The following EYS variants were observed in gnomAD, a reference collection of about 807,000 sequenced individuals.
EYS encodes EGF-like photoreceptor maintenance factor.
In EYS, 250 loss-of-function variants were observed where a neutral mutation model predicts 282.1. The observed-to-expected ratio is 0.89, with a 90% CI of 0.80 to 0.98. The LOEUF (loss-of-function observed/expected upper bound fraction) is 0.98, where lower values mean the gene tolerates loss of function less well. Among genes scored for constraint, EYS ranks in the 50% least tolerant of loss-of-function variants. The pLI is 0.00. For synonymous variants in EYS, 1,355 were observed against 1,282.9 expected, an observed-to-expected ratio of 1.06 and a Z score of -1.20; for missense variants, 4,016 against 3,709.0, an observed-to-expected ratio of 1.08 and a Z score of -2.15.
At chr6:64,445,351 T>A (rs1336472760) in intron 26 of EYS, among the ~76,000 whole-genome samples, 1 of 152,168 alleles carries the variant, frequency 6.6e-6, no homozygotes, top group Non-Finnish European at 1.5e-5. Flanking sequence ...AAATAATAAT[T>A]CTATACATTT....
intron 24 of EYS, among the ~76,000 whole-genome samples, chr6:64,599,048 C>T (rs1206861254): frequency 6.6e-6 from 1 of 151,990 alleles, no homozygotes; most frequent in Non-Finnish European, 1.5e-5. Context: ...TAAGGGAAGG[C>T]CATGTAGGTA....
intron 12 of EYS, among the ~76,000 whole-genome samples, chr6:65,153,616 C>CAATA (rs1764668542): frequency 6.6e-6 from 1 of 151,566 alleles, no homozygotes; most frequent in African/African-American, 2.4e-5. Context: ...TGTTCTTTAT[C>CAATA]AATAGTATCA....
chr6:64,460,498 G>A (rs1353264155), intron 26 of EYS, among the ~76,000 whole-genome samples: 1 of 152,168 alleles, frequency 6.6e-6, no homozygotes, highest in Non-Finnish European at 1.5e-5. Flanking sequence ...ATATGTTGCT[G>A]CTTGTTTGAA....
intron 24 of EYS, among the ~76,000 whole-genome samples, chr6:64,613,487 A>T (rs1402007579): frequency 2.0e-5 from 3 of 152,104 alleles, no homozygotes; most frequent in Non-Finnish European, 4.4e-5. Flanking sequence ...ACAAACTAAA[A>T]ATCAACTCTT....
intron 19 of EYS, among the ~76,000 whole-genome samples, chr6:64,883,269 T>A (rs1766978383): frequency 6.6e-6 from 1 of 151,468 alleles, no homozygotes; most frequent in Non-Finnish European, 1.5e-5. Context: ...CGTTTGCATG[T>A]GTATATGAAA....
chr6:64,835,745 C>T (rs1316313090), intron 19 of EYS, among the ~76,000 whole-genome samples: 6 of 151,544 alleles, frequency 4.0e-5, no homozygotes, highest in Non-Finnish European at 7.4e-5. Flanking sequence ...CACTGCTAAA[C>T]ATTTGAATCA....
chr6:64,347,887 A>T (rs778314125), intron 29 of EYS, among the ~76,000 whole-genome samples: 19 of 151,326 alleles, frequency 1.3e-4, no homozygotes, highest in Non-Finnish European at 1.3e-4. Context: ...AACACAAAAA[A>T]ATTCACCTTA....
intron 13 of EYS, among the ~76,000 whole-genome samples, chr6:65,010,109 T>C (rs950214749): frequency 2.6e-5 from 4 of 152,202 alleles, no homozygotes; most frequent in African/African-American, 9.7e-5. Context: ...GGGGCAAGAC[T>C]TGACTTTATA....
chr6:63,768,277 A>G (rs1386547158), intron 40 of EYS, among the ~76,000 whole-genome samples: 2 of 152,046 alleles, frequency 1.3e-5, no homozygotes, highest in Admixed American at 1.3e-4. Flanking sequence ...CTATCAACAG[A>G]GTAAACAGAC....
chr6:64,659,142 A>G (rs1231611474), intron 22 of EYS, among the ~76,000 whole-genome samples: 1 of 151,980 alleles, frequency 6.6e-6, no homozygotes, highest in African/African-American at 2.4e-5. Flanking sequence ...ACTACTGGGT[A>G]CATAACAAAA....
intron 14 of EYS, among the ~76,000 whole-genome samples, chr6:64,952,152 A>G (rs1769533505): frequency 1.3e-5 from 2 of 151,968 alleles, no homozygotes; most frequent in Admixed American, 1.3e-4. Flanking sequence ...GTGAGCCAAC[A>G]TCATAATGGA....
intron 14 of EYS, among the ~76,000 whole-genome samples, chr6:64,974,862 T>C (rs1449486592): frequency 2.0e-5 from 3 of 151,888 alleles, no homozygotes; most frequent in Admixed American, 6.6e-5. Flanking sequence ...GACAGTTTTA[T>C]GGGTAAGAAT....
chr6:64,771,927 G>A lies in EYS; in HGVS notation c.3443+41451C>T, dbSNP rs1254505184. On this transcript the variant is annotated intron_variant, in intron 22 of 42. Coordinates refer to ENST00000503581, the MANE Select transcript of EYS (RefSeq NM_001142800.2). ...TTTTAATCTATCTTTTGTATTCAGA[G>A]AGAAGTTCCTATTTGATTGTATTTT... Among the ~76,000 whole-genome samples the A allele has an allele frequency of 2.6e-5, 4 of 151,704 alleles. No individual in the cohort carries two copies. In the East Asian group the frequency reaches 7.7e-4, roughly 29 times the overall value.
At chr6:65,508,822 T>C (rs1766757694) in intron 2 of EYS, among the ~76,000 whole-genome samples, 1 of 152,100 alleles carries the variant, frequency 6.6e-6, no homozygotes, top group African/African-American at 2.4e-5. Flanking sequence ...AGTAGGCCTT[T>C]GTTAGAAAGA....
chr6:64,870,029 G>C (rs1011840487), intron 19 of EYS, among the ~76,000 whole-genome samples: 54 of 151,564 alleles, frequency 3.6e-4, no homozygotes, highest in Non-Finnish European at 1.3e-4. Context: ...TTTTAAGTTA[G>C]AACTGAAAGG....
At chr6:64,002,677 T>A (rs966693127) in intron 33 of EYS, among the ~76,000 whole-genome samples, 3 of 152,152 alleles carry the variant, frequency 2.0e-5, no homozygotes, top group African/African-American at 7.2e-5. Flanking sequence ...CTGGGAACTT[T>A]CCTGCTTCAG....
intron 28 of EYS, among the ~76,000 whole-genome samples, chr6:64,392,872 G>C (rs896523320): frequency 3.3e-5 from 5 of 151,938 alleles, no homozygotes; most frequent in Non-Finnish European, 5.9e-5. Flanking sequence ...AAAATTGATA[G>C]ACCGCTAGCA....
At position 65,648,314 on chromosome 6, in the gene EYS, ATGTGTGTGTGTGTGTGTGTG is replaced by A. The variant is rs58196369; in HGVS notation, c.-447-8442_-447-8423del. Among the ~76,000 whole-genome samples, 12 of 147,892 alleles carry A rather than the reference ATGTGTGTGTGTGTGTGTGTG, an allele frequency of 8.1e-5. No homozygotes were observed. The South Asian group carries it at 2.4e-3, about 30-fold the overall frequency. On this transcript the variant is annotated intron_variant, in intron 1 of 42. Coordinates refer to ENST00000503581, the MANE Select transcript of EYS (RefSeq NM_001142800.2). ...ATCAATGAGTGGATAAAGAAAATAT[ATGTGTGTGTGTGTGTGTGTG>A]TGTGTGTGTGTGTGTGTATACCATA...
chr6:64,719,511 A>G (rs532593612), intron 22 of EYS, among the ~76,000 whole-genome samples: 3 of 152,238 alleles, frequency 2.0e-5, no homozygotes, highest in Non-Finnish European at 4.4e-5. Flanking sequence ...CCTTAAGAGC[A>G]GCATGAAAGG....
Sources: gnomAD v4.1 joint callset for allele counts (sites outside exome capture counted in the v4.1 genomes callset) on GRCh38, gnomAD v4.1.1 for gene constraint, MANE v1.5 for transcripts, NCBI Gene and HGNC (gene_info 2026-07-23, HGNC 2026-07-21) for gene names.